Variants in TMEM135 observed in about 807,000 individuals in gnomAD.
The protein encoded by TMEM135 is transmembrane protein 135.
TMEM135 carries 30 observed loss-of-function variants against 60.3 expected under a neutral mutation model. The observed-to-expected ratio is 0.50, with a 90% CI of 0.37 to 0.68. TMEM135 has a LOEUF of 0.68. Among genes scored for constraint, TMEM135 ranks in the 30% least tolerant of loss-of-function variants. The pLI, the probability that TMEM135 is intolerant of heterozygous loss-of-function variation, is 0.00. For missense variants in TMEM135, 468 were observed against 548.8 expected, an observed-to-expected ratio of 0.85 and a Z score of 1.47; for synonymous variants, 190 against 186.7, an observed-to-expected ratio of 1.02 and a Z score of -0.14.
Position 87,309,633 on chromosome 11 carries a change from G to C in TMEM135, c.897G>C (p.Gln299His). The C allele has an allele frequency of 6.2e-7, 1 of 1,613,692 alleles. No individual in the cohort carries two copies. The highest frequency in any genetic ancestry group is 1.7e-5 in the Admixed American group (1 of 60,000). ...TCTTCTACAATAAAGAAAACTTCCA[G>C]CTTGGAGCTTTTCTTGGCTCTTTTG... ...LSLFYNKENF[Q>H]LGAFLGSFVS... The change falls in exon 10 of 15, where the codon CAG becomes CAC. Residue 299 changes from glutamine to histidine, a missense_variant. Transcript: ENST00000305494.
intron 5 of TMEM135, among the ~76,000 whole-genome samples, chr11:87,192,473 A>C (rs1056140981): frequency 5.3e-5 from 8 of 152,178 alleles, no homozygotes; most frequent in African/African-American, 1.9e-4. Flanking sequence ...CAAACATCAG[A>C]AGTTTATCAG....
intron 4 of TMEM135, among the ~76,000 whole-genome samples, chr11:87,139,516 A>G (rs74384961): frequency 0.061 from 9,285 of 152,198 alleles, 388 homozygotes; most frequent in South Asian, 0.12. Context: ...TGGCTTTTCT[A>G]TAGCTCATAT....
chr11:87,278,815 A>T (rs1942010753), intron 6 of TMEM135, among the ~76,000 whole-genome samples: 1 of 96,800 alleles, frequency 1.0e-5, no homozygotes, highest in Non-Finnish European at 2.3e-5. Flanking sequence ...CATTCTTTAA[A>T]ATTTCTTTTG....
intron 10 of TMEM135, among the ~76,000 whole-genome samples, chr11:87,312,694 G>T (rs1942661789): frequency 6.6e-6 from 1 of 151,838 alleles, no homozygotes; most frequent in African/African-American, 2.4e-5. Context: ...ATAAGATGTT[G>T]TCATTCTTTT....
intron 5 of TMEM135, among the ~76,000 whole-genome samples, chr11:87,222,833 A>G (rs1234820521): frequency 6.6e-6 from 1 of 152,042 alleles, no homozygotes; most frequent in Non-Finnish European, 1.5e-5. Context: ...AAGAAAAAAA[A>G]ATCACTGTTG....
chr11:87,041,327 G>A (rs1180553686), intron 1 of TMEM135, among the ~76,000 whole-genome samples: 5 of 151,422 alleles, frequency 3.3e-5, no homozygotes, highest in Non-Finnish European at 5.9e-5. Context: ...CAGGCTAAAG[G>A]AGCCACTGTT....
chr11:87,119,345 A>G (rs986499737), intron 4 of TMEM135, among the ~76,000 whole-genome samples: 5 of 152,182 alleles, frequency 3.3e-5, no homozygotes, highest in Non-Finnish European at 7.4e-5. Context: ...ACATTTATCT[A>G]TTAAGTTTGC....
At chr11:87,276,344 G>C (rs911440533) in intron 6 of TMEM135, among the ~76,000 whole-genome samples, 6 of 152,064 alleles carry the variant, frequency 3.9e-5, no homozygotes, top group African/African-American at 1.4e-4. Flanking sequence ...GAAGTTCTGT[G>C]ATGTCAAGTA....
At chr11:87,135,758 T>G (rs1283403275) in intron 4 of TMEM135, among the ~76,000 whole-genome samples, 1 of 152,128 alleles carries the variant, frequency 6.6e-6, no homozygotes, top group Non-Finnish European at 1.5e-5. Flanking sequence ...AGAACAGCTC[T>G]TCAATTTTTG....
At chr11:87,299,221 A>G (rs937414747) in intron 7 of TMEM135, among the ~76,000 whole-genome samples, 3 of 152,236 alleles carry the variant, frequency 2.0e-5, no homozygotes, top group Non-Finnish European at 4.4e-5. Context: ...GTGTATAAAC[A>G]AAAGAGGTTT....
At chr11:87,294,966 A>G (rs1942324457) in intron 6 of TMEM135, among the ~76,000 whole-genome samples, 1 of 152,174 alleles carries the variant, frequency 6.6e-6, no homozygotes, top group South Asian at 2.1e-4. Context: ...TCAGGAGGAT[A>G]TATAAGAAAA....
At chr11:87,207,059 A>G (rs1197194186) in intron 5 of TMEM135, among the ~76,000 whole-genome samples, 1 of 152,232 alleles carries the variant, frequency 6.6e-6, no homozygotes, top group East Asian at 1.9e-4. Flanking sequence ...GTAGCTAGCT[A>G]CTACTATAAT....
At chr11:87,041,796 T>A (rs774535256) in intron 1 of TMEM135, among the ~76,000 whole-genome samples, 15 of 152,240 alleles carry the variant, frequency 9.9e-5, no homozygotes, top group Non-Finnish European at 2.2e-4. Context: ...AAGACATATT[T>A]GGCAGGTCTG....
At chr11:87,279,833 G>A (rs1352098691) in intron 6 of TMEM135, among the ~76,000 whole-genome samples, 2 of 152,146 alleles carry the variant, frequency 1.3e-5, no homozygotes, top group Admixed American at 6.5e-5. Context: ...TATCTAGAAC[G>A]ACATTATAGC....
chr11:87,261,933 T>C (rs1291851970), intron 6 of TMEM135, among the ~76,000 whole-genome samples: 1 of 152,222 alleles, frequency 6.6e-6, no homozygotes, highest in Non-Finnish European at 1.5e-5. Context: ...CACAGAATTA[T>C]TTCTATACAT....
intron 3 of TMEM135, among the ~76,000 whole-genome samples, chr11:87,072,986 A>T (rs924691295): frequency 1.3e-5 from 2 of 152,146 alleles, no homozygotes; most frequent in Non-Finnish European, 2.9e-5. Context: ...AGTGTGAGTA[A>T]TTCTCATCAA....
intron 6 of TMEM135, among the ~76,000 whole-genome samples, chr11:87,247,494 G>A (rs615201): frequency 0.66 from 100,009 of 151,786 alleles, 33,543 homozygotes; most frequent in Non-Finnish European, 0.71. Context: ...TCCTTGAGCT[G>A]TGGTGGGCTC....
intron 5 of TMEM135, among the ~76,000 whole-genome samples, chr11:87,193,650 A>G (rs1018117705): frequency 3.3e-5 from 5 of 151,654 alleles, no homozygotes; most frequent in Non-Finnish European, 5.9e-5. Flanking sequence ...TCTCTTTTCA[A>G]TGTGTAATCA....
At chr11:87,267,543 TAAGCATCAA>T (rs1941774908) in intron 6 of TMEM135, among the ~76,000 whole-genome samples, 1 of 152,238 alleles carries the variant, frequency 6.6e-6, no homozygotes, top group South Asian at 2.1e-4. Flanking sequence ...AAGTTAATAG[TAAGCATCAA>T]ATAGTTATGT....
Sources: allele counts gnomAD v4.1 joint callset (sites outside exome capture counted in the v4.1 genomes callset), GRCh38; gene constraint gnomAD v4.1.1; transcripts MANE v1.5; gene names NCBI Gene and HGNC (gene_info 2026-07-23, HGNC 2026-07-21).